Variants in DPYD observed in about 807,000 individuals in gnomAD.
DPYD encodes the protein dihydropyrimidine dehydrogenase.
DPYD carries 109 observed loss-of-function variants against 116.2 expected under a neutral mutation model. That is an observed-to-expected ratio of 0.94 (90% CI 0.80 to 1.10). DPYD has a LOEUF of 1.10. Among genes scored for constraint, DPYD ranks in the 50% least tolerant of loss-of-function variants. The pLI, the probability that DPYD is intolerant of heterozygous loss-of-function variation, is 0.00. For synonymous variants in DPYD, 440 were observed against 432.0 expected (o/e 1.02, Z -0.23); for missense variants, 1,302 against 1,254.5 (o/e 1.04, Z -0.57).
chr1:97,862,327 G>A (rs1571489091), intron 2 of DPYD, among the ~76,000 whole-genome samples: 1 of 151,582 alleles, frequency 6.6e-6, no homozygotes, highest in East Asian at 1.9e-4. Flanking sequence ...TTTTTCACCT[G>A]GAATTATATT....
intron 8 of DPYD, among the ~76,000 whole-genome samples, chr1:97,603,779 A>G (rs1404328977): frequency 6.6e-6 from 1 of 152,152 alleles, no homozygotes. Context: ...AAATTATACA[A>G]TCATATTGTG....
At chr1:97,571,800 G>A (rs1652920168) in intron 11 of DPYD, among the ~76,000 whole-genome samples, 1 of 151,850 alleles carries the variant, frequency 6.6e-6, no homozygotes, top group African/African-American at 2.4e-5. Context: ...TTCTGACTTT[G>A]AAACTATTAA....
intron 18 of DPYD, among the ~76,000 whole-genome samples, chr1:97,254,990 T>A (rs146549827): frequency 2.6e-5 from 4 of 152,262 alleles, no homozygotes; most frequent in African/African-American, 9.6e-5. Context: ...GCTCTGTGGT[T>A]GTGGTAAACT....
chr1:97,436,833 T>C (rs1675497519), intron 14 of DPYD, among the ~76,000 whole-genome samples: 1 of 151,872 alleles, frequency 6.6e-6, no homozygotes, highest in Non-Finnish European at 1.5e-5. Flanking sequence ...AGGGTGTTAA[T>C]TGACTGGTAA....
chr1:97,328,749 T>C (rs773306198), intron 16 of DPYD, among the ~76,000 whole-genome samples: 4 of 152,182 alleles, frequency 2.6e-5, no homozygotes, highest in Admixed American at 1.3e-4. Flanking sequence ...ACATAAAATA[T>C]AGGTTTACTT....
chr1:97,726,170 G>T (rs1002408575), intron 4 of DPYD, among the ~76,000 whole-genome samples: 18 of 151,402 alleles, frequency 1.2e-4, no homozygotes, highest in Non-Finnish European at 2.1e-4. Context: ...ATCTCTACTT[G>T]ACACAAAGCT....
chr1:97,243,945 A>G (rs1662545285), intron 18 of DPYD, among the ~76,000 whole-genome samples: 1 of 151,942 alleles, frequency 6.6e-6, no homozygotes. Flanking sequence ...GACAAAGACA[A>G]TTACAGAAGC....
chr1:97,612,000 C>A (rs1655980696), intron 8 of DPYD, among the ~76,000 whole-genome samples: 1 of 151,994 alleles, frequency 6.6e-6, no homozygotes, highest in Non-Finnish European at 1.5e-5. Context: ...AACCTTCAAG[C>A]ATTAGTTTAT....
At chr1:97,466,920 C>A (rs1474706549) in intron 13 of DPYD, among the ~76,000 whole-genome samples, 1 of 152,148 alleles carries the variant, frequency 6.6e-6, no homozygotes, top group Non-Finnish European at 1.5e-5. Flanking sequence ...AGAGAAAGAA[C>A]CCCCTTTAGG....
intron 2 of DPYD, among the ~76,000 whole-genome samples, chr1:97,862,640 C>G (rs1403083758): frequency 6.6e-6 from 1 of 151,816 alleles, no homozygotes; most frequent in African/African-American, 2.4e-5. Flanking sequence ...ATGACTTGTT[C>G]AAACAGAGAC....
chr1:97,878,858 C>T (rs745321060), intron 2 of DPYD, among the ~76,000 whole-genome samples: 6 of 151,700 alleles, frequency 4.0e-5, no homozygotes, highest in Non-Finnish European at 7.4e-5. Context: ...TTGGCAAGGC[C>T]TATGTCACAT....
At chr1:97,247,613 GAA>G (rs1662804975) in intron 18 of DPYD, among the ~76,000 whole-genome samples, 1 of 152,102 alleles carries the variant, frequency 6.6e-6, no homozygotes, top group African/African-American at 2.4e-5. Flanking sequence ...GAATAAAATA[GAA>G]TAATCTATGT....
At position 97,752,554 on chromosome 1, in the gene DPYD, T is replaced by A. The variant is rs558512246; in HGVS notation, c.234-12075A>T. On this transcript the variant is annotated intron_variant, in intron 3 of 22. Transcript: ENST00000370192. ...ATTATCTCTGAGCCTCGGCTTCTAT[T>A]GCATTTCCACAGCTACAGCTGCAAC... is the stretch of plus-strand genomic sequence containing the variant. 3.9e-5 allele frequency among the ~76,000 whole-genome samples: 6 copies of A among 152,302 alleles called. No homozygotes were observed. In the East Asian group the frequency reaches 1.2e-3, roughly 29 times the overall value.
intron 13 of DPYD, among the ~76,000 whole-genome samples, chr1:97,487,449 G>A (rs568988197): frequency 1.1e-4 from 17 of 152,228 alleles, no homozygotes; most frequent in Admixed American, 7.8e-4. Flanking sequence ...CAAGGCGGGC[G>A]GATCACGAGG....
At chr1:97,085,779 G>C (rs1649470235) in intron 21 of DPYD, among the ~76,000 whole-genome samples, 1 of 152,124 alleles carries the variant, frequency 6.6e-6, no homozygotes. Flanking sequence ...TGGAGATCAG[G>C]GAACCCATAT....
chr1:97,863,181 C>G (rs928619323), intron 2 of DPYD, among the ~76,000 whole-genome samples: 1 of 151,778 alleles, frequency 6.6e-6, no homozygotes, highest in Non-Finnish European at 1.5e-5. Flanking sequence ...GGAACATGAC[C>G]TAGGCCACAG....
chr1:97,868,337 T>A (rs1671494744), intron 2 of DPYD, among the ~76,000 whole-genome samples: 1 of 151,764 alleles, frequency 6.6e-6, no homozygotes, highest in Non-Finnish European at 1.5e-5. Flanking sequence ...ACACTCTTGA[T>A]AACATACTAT....
chr1:97,120,901 G>A (rs994227246), intron 20 of DPYD, among the ~76,000 whole-genome samples: 4 of 152,186 alleles, frequency 2.6e-5, no homozygotes, highest in Admixed American at 2.0e-4. Context: ...AAGTGTCTAA[G>A]TATGTATTAA....
chr1:97,272,694 T>C (rs74104333), intron 18 of DPYD, among the ~76,000 whole-genome samples: 170 of 152,290 alleles, frequency 1.1e-3, no homozygotes, highest in African/African-American at 4.0e-3. Context: ...ATTAATGACA[T>C]AGTGATCTTC....
Sources: allele counts gnomAD v4.1 joint callset (sites outside exome capture counted in the v4.1 genomes callset), GRCh38; gene constraint gnomAD v4.1.1; transcripts MANE v1.5; gene names NCBI Gene and HGNC (gene_info 2026-07-23, HGNC 2026-07-21).